USP13: variants seen among roughly 807,000 people sequenced by gnomAD.
USP13 encodes ubiquitin specific peptidase 13.
A neutral mutation model predicts 107.8 loss-of-function variants in USP13; 68 were observed. That is an observed-to-expected ratio of 0.63 (90% CI 0.52 to 0.77). USP13 has a LOEUF of 0.77. USP13 is among the 30% of genes least tolerant of loss of function. The pLI, the probability that USP13 is intolerant of heterozygous loss-of-function variation, is 0.00. For synonymous variants in USP13, 377 were observed against 389.5 expected, an observed-to-expected ratio of 0.97 and a Z score of 0.38; for missense variants, 945 against 1,093.3, an observed-to-expected ratio of 0.86 and a Z score of 1.91.
intron 1 of USP13, among the ~76,000 whole-genome samples, chr3:179,660,292 C>T (rs1336485416): frequency 6.6e-6 from 1 of 152,226 alleles, no homozygotes; most frequent in African/African-American, 2.4e-5. Context: ...CTTCTCCCTT[C>T]TCCTAGCCCC....
chr3:179,776,056 C>T (rs185835170), intron 19 of USP13, among the ~76,000 whole-genome samples: 2 of 152,320 alleles, frequency 1.3e-5, no homozygotes, highest in African/African-American at 4.8e-5. Flanking sequence ...CAGGTCCCAC[C>T]TCCAACATTG....
chr3:179,740,517 C>A, intron 11 of USP13, 145 bp downstream of exon 11: 1 of 1,288,636 alleles, frequency 7.8e-7, no homozygotes, highest in African/African-American at 1.5e-5. Flanking sequence ...AATCAGATCC[C>A]TGGAAACTCT....
At chr3:179,712,992 A>G (rs1197502683) in intron 6 of USP13, among the ~76,000 whole-genome samples, 10 of 152,110 alleles carry the variant, frequency 6.6e-5, no homozygotes, top group African/African-American at 1.9e-4. Context: ...TCTTAGGCCA[A>G]TGTTTTTGTA....
chr3:179,705,154 G>A (rs1456511466), intron 4 of USP13, among the ~76,000 whole-genome samples: 1 of 152,128 alleles, frequency 6.6e-6, no homozygotes, highest in East Asian at 1.9e-4. Context: ...TGGCAGCTGA[G>A]GGAATTTCCT....
At chr3:179,766,139 C>T (rs1490460575) in intron 19 of USP13, among the ~76,000 whole-genome samples, 1 of 152,058 alleles carries the variant, frequency 6.6e-6, no homozygotes, top group Non-Finnish European at 1.5e-5. Context: ...GCCACCACAC[C>T]CAGCTAATTT....
At chr3:179,661,419 T>A (rs1443057143) in intron 1 of USP13, among the ~76,000 whole-genome samples, 7 of 152,142 alleles carry the variant, frequency 4.6e-5, no homozygotes, top group Admixed American at 3.9e-4. Context: ...TTTGAAAAAA[T>A]TAGAGCTACT....
chr3:179,717,332 A>G (rs1713144519), intron 6 of USP13, among the ~76,000 whole-genome samples: 1 of 152,200 alleles, frequency 6.6e-6, no homozygotes, highest in South Asian at 2.1e-4. Context: ...GTTCATTTTC[A>G]GGTTTCTTGT....
At chr3:179,751,626 A>G (rs1037172143) in intron 13 of USP13, among the ~76,000 whole-genome samples, 10 of 152,238 alleles carry the variant, frequency 6.6e-5, no homozygotes, top group Non-Finnish European at 1.3e-4. Context: ...ACTAAACTCT[A>G]GCAAGGATTT....
chr3:179,744,176 A>G (rs1185587195), intron 12 of USP13, among the ~76,000 whole-genome samples: 2 of 152,086 alleles, frequency 1.3e-5, no homozygotes, highest in Non-Finnish European at 2.9e-5. Flanking sequence ...GGTTACTGTC[A>G]TGGGTTGTTT....
chr3:179,783,860 T>TAAA (rs55669733), intron 20 of USP13, among the ~76,000 whole-genome samples, 188 bp from the exon 21 acceptor site: 6 of 137,286 alleles, frequency 4.4e-5, no homozygotes, highest in African/African-American at 1.3e-4. Flanking sequence ...CCTTGTCTCT[T>TAAA]AAAAAAAAAA....
At chr3:179,761,589 G>A (rs569564479) in intron 17 of USP13, among the ~76,000 whole-genome samples, 214 of 152,264 alleles carry the variant, frequency 1.4e-3, no homozygotes, top group Middle Eastern at 6.8e-3. Flanking sequence ...GGGCATGGTG[G>A]TGCGTACCTG....
chr3:179,764,465 G>C (rs959632011), intron 18 of USP13, among the ~76,000 whole-genome samples: 1 of 152,110 alleles, frequency 6.6e-6, no homozygotes, highest in East Asian at 1.9e-4. Flanking sequence ...TGACTTGGAG[G>C]CTGCTTGTGG....
intron 19 of USP13, among the ~76,000 whole-genome samples, chr3:179,776,259 TCTC>T (rs1176978893): frequency 1.3e-5 from 2 of 152,024 alleles, no homozygotes; most frequent in African/African-American, 2.4e-5. Context: ...TCCCCTTTCT[TCTC>T]CTTGGCAGTA....
rs368396238 is a variant in USP13, at chr3:179,734,728, A to G, written c.1254+4019A>G. Among the ~76,000 whole-genome samples, 415 of 152,292 alleles carry G rather than the reference A, an allele frequency of 2.7e-3. 2 individuals carry two copies. The highest frequency in any genetic ancestry group is 9.6e-3 in the African/African-American group (399 of 41,574). ...TTTGGGGTTTGGGCCTGGGTTAAAC[A>G]CTTACTGGTTCAAGGTTTATTGTTT... On this transcript the variant is annotated intron_variant, in intron 10 of 20. Coordinates refer to ENST00000263966, the MANE Select transcript of USP13 (RefSeq NM_003940.3).
chr3:179,687,684 A>AAAAAAAAAAAG (rs1711925625), intron 2 of USP13, among the ~76,000 whole-genome samples: 1 of 144,396 alleles, frequency 6.9e-6, no homozygotes, highest in Non-Finnish European at 1.5e-5. Flanking sequence ...AAAAAAAAAA[A>AAAAAAAAAAAG]AGGACTAGTG....
chr3:179,684,477 A>C (rs1167396061), intron 2 of USP13, among the ~76,000 whole-genome samples: 1 of 151,820 alleles, frequency 6.6e-6, no homozygotes, highest in African/African-American at 2.4e-5. Flanking sequence ...CATCTGGCTA[A>C]TTTCTGTATT....
chr3:179,677,711 A>G (rs911976157), intron 1 of USP13, among the ~76,000 whole-genome samples: 7 of 152,312 alleles, frequency 4.6e-5, no homozygotes, highest in Admixed American at 1.3e-4. Flanking sequence ...GAGTATTTCT[A>G]TATTTTTCTT....
chr3:179,746,183 A>ATATATATATAAAATTTTATATATAAAATG lies in USP13; in HGVS notation c.1709+991_1709+1019dup, dbSNP rs1288619381. ...GCCTCAATAGCAGTTCAACCTATAT[A>ATATATATATAAAATTTTATATATAAAATG]TATATATATAAAATTTTATATATAA... On this transcript the variant is annotated intron_variant, in intron 13 of 20. Transcript: ENST00000263966. Among the ~76,000 whole-genome samples the ATATATATATAAAATTTTATATATAAAATG allele has an allele frequency of 5.5e-4, 81 of 147,508 alleles. 3 individuals carry two copies. The highest frequency in any genetic ancestry group is 1.5e-3 in the African/African-American group (60 of 40,680).
At chr3:179,764,557 AC>A (rs1358842615) in intron 18 of USP13, among the ~76,000 whole-genome samples, 2 of 152,232 alleles carry the variant, frequency 1.3e-5, no homozygotes, top group South Asian at 2.1e-4. Context: ...TGATACCAAG[AC>A]CTTGGGTAAA....
Sources: gnomAD v4.1 joint callset for allele counts (sites outside exome capture counted in the v4.1 genomes callset) on GRCh38, gnomAD v4.1.1 for gene constraint, MANE v1.5 for transcripts, NCBI Gene and HGNC (gene_info 2026-07-23, HGNC 2026-07-21) for gene names.